The following MAML3 variants were observed in gnomAD, a reference collection of about 807,000 sequenced individuals.
MAML3 encodes mastermind like transcriptional coactivator 3.
In MAML3, 27 loss-of-function variants were observed where a neutral mutation model predicts 101.9. The ratio of observed to expected loss-of-function variants is 0.27; its 90% CI spans 0.20 to 0.37. MAML3 has a LOEUF of 0.37. Among genes scored for constraint, MAML3 ranks in the 10% least tolerant of loss-of-function variants. MAML3 has a pLI of 1.00. For synonymous variants in MAML3, 501 were observed against 555.9 expected, an observed-to-expected ratio of 0.90 and a Z score of 1.39; for missense variants, 1,316 against 1,444.9, an observed-to-expected ratio of 0.91 and a Z score of 1.45.
At chr4:140,124,760 T>C (rs1474357804) in intron 1 of MAML3, among the ~76,000 whole-genome samples, 3 of 152,218 alleles carry the variant, frequency 2.0e-5, no homozygotes, top group Non-Finnish European at 4.4e-5. Flanking sequence ...GGTAAACTGC[T>C]AGAAAACATG....
intron 2 of MAML3, among the ~76,000 whole-genome samples, chr4:139,882,145 A>C (rs2111188578): frequency 6.6e-6 from 1 of 152,334 alleles, no homozygotes. Context: ...AGCATAGAGC[A>C]AAAGGACAAA....
chr4:139,875,601 T>G (rs1285916995), intron 2 of MAML3, among the ~76,000 whole-genome samples: 1 of 152,158 alleles, frequency 6.6e-6, no homozygotes, highest in African/African-American at 2.4e-5. Flanking sequence ...CAGGTGCTCC[T>G]GACCTCACAG....
intron 1 of MAML3, among the ~76,000 whole-genome samples, chr4:140,094,135 A>C (rs143488162): frequency 9.1e-4 from 138 of 152,336 alleles, no homozygotes; most frequent in African/African-American, 3.2e-3. Context: ...ATTTGCAGGC[A>C]AGGTCCATTT....
chr4:139,854,636 T>G (rs1731621828), intron 2 of MAML3, among the ~76,000 whole-genome samples: 1 of 151,958 alleles, frequency 6.6e-6, no homozygotes, highest in Non-Finnish European at 1.5e-5. Context: ...TCAATGCTGG[T>G]TTAGGCCTGG....
intron 1 of MAML3, among the ~76,000 whole-genome samples, chr4:139,991,393 A>G (rs904447547): frequency 2.6e-5 from 4 of 152,212 alleles, no homozygotes; most frequent in African/African-American, 9.7e-5. Context: ...CCTTATACAA[A>G]AATTAATTCA....
At chr4:139,864,923 C>CTTGTTTTTTTTTTTTTT (rs56928318) in intron 2 of MAML3, among the ~76,000 whole-genome samples, 2 of 62,456 alleles carry the variant, frequency 3.2e-5, no homozygotes, top group Admixed American at 2.4e-4. Context: ...TGCAAACTTG[C>CTTGTTTTTTTTTTTTTT]TTTTTTTTTT....
intron 1 of MAML3, among the ~76,000 whole-genome samples, chr4:139,905,811 A>G (rs1379142160): frequency 2.0e-5 from 3 of 152,088 alleles, no homozygotes; most frequent in Admixed American, 6.6e-5. Context: ...TCTTATATAG[A>G]TAATAGTCAT....
chr4:139,897,558 T>C (rs1732637571), intron 1 of MAML3, among the ~76,000 whole-genome samples: 1 of 152,172 alleles, frequency 6.6e-6, no homozygotes, highest in Admixed American at 6.5e-5. Flanking sequence ...ATCCATTCTA[T>C]GAATTTTAGT....
chr4:139,729,624 C>T (rs1216328816), intron 3 of MAML3, among the ~76,000 whole-genome samples: 1 of 152,130 alleles, frequency 6.6e-6, no homozygotes, highest in East Asian at 1.9e-4. Context: ...ACAGAAGCCG[C>T]CTGGGGATCT....
At chr4:139,880,210 C>A (rs1391499900) in intron 2 of MAML3, among the ~76,000 whole-genome samples, 1 of 151,938 alleles carries the variant, frequency 6.6e-6, no homozygotes, top group Non-Finnish European at 1.5e-5. Flanking sequence ...AAACCTCTTT[C>A]TTCTAGAAAG....
At chr4:140,107,546 C>G (rs984556784) in intron 1 of MAML3, among the ~76,000 whole-genome samples, 2 of 151,134 alleles carry the variant, frequency 1.3e-5, no homozygotes, top group African/African-American at 4.9e-5. Flanking sequence ...GCTCTGTCAC[C>G]CAGGCTGGAA....
At chr4:139,976,880 CT>C (rs1480064398) in intron 1 of MAML3, among the ~76,000 whole-genome samples, 2 of 152,004 alleles carry the variant, frequency 1.3e-5, no homozygotes, top group African/African-American at 4.8e-5. Flanking sequence ...GTTTTCACGA[CT>C]GTGGGGAGAA....
chr4:139,875,415 T>C (rs1478145563), intron 2 of MAML3, among the ~76,000 whole-genome samples: 1 of 152,216 alleles, frequency 6.6e-6, no homozygotes, highest in Non-Finnish European at 1.5e-5. Flanking sequence ...TTTCTCTCAC[T>C]AGACCGCCAA....
At position 139,808,374 on chromosome 4, in the gene MAML3, C is replaced by CCG. The variant is rs1279352170; in HGVS notation, c.2080-77709_2080-77708dup. 7.9e-5 allele frequency among the ~76,000 whole-genome samples: 12 copies of CCG among 152,244 alleles called. No individual in the cohort carries two copies. The South Asian group carries it at 2.5e-3, about 32-fold the overall frequency. On this transcript the variant is annotated intron_variant, in intron 2 of 4. Transcript: ENST00000509479. ...GTGTATATCACCGGCCTGTGGCCAA[C>CCG]CGCTGCAGGCACCATACCACTTCTA...
Position 139,856,956 on chromosome 4 carries a change from A to G in MAML3, c.2079+32401T>C, listed in dbSNP as rs143996543. ...GTTCTGAATTTTAATTGTAGGAGTAAAAAAATGAAGGAAATCCAAGAAAGA... is the reference window on the plus strand; with the variant it reads ...GTTCTGAATTTTAATTGTAGGAGTAGAAAAATGAAGGAAATCCAAGAAAGA... On this transcript the variant is annotated intron_variant, in intron 2 of 4. Transcript: ENST00000509479. 4.3e-4 allele frequency among the ~76,000 whole-genome samples: 65 copies of G among 152,296 alleles called. 1 individual carries two copies. In the East Asian group the frequency reaches 0.011, roughly 27 times the overall value.
At chr4:139,900,970 C>A (rs1578588159) in intron 1 of MAML3, among the ~76,000 whole-genome samples, 1 of 152,180 alleles carries the variant, frequency 6.6e-6, no homozygotes, top group African/African-American at 2.4e-5. Flanking sequence ...CACAGCACAG[C>A]CCTACTCAGT....
intron 1 of MAML3, among the ~76,000 whole-genome samples, chr4:140,053,998 C>T (rs1176465573): frequency 1.3e-5 from 2 of 152,136 alleles, no homozygotes; most frequent in Non-Finnish European, 2.9e-5. Flanking sequence ...GAACAAAAGA[C>T]AAGGTTTTTT....
In MAML3 at chr4:139,931,531, C is replaced by T. The variant is rs189194399; in HGVS notation, c.469-40564G>A. On this transcript the variant is annotated intron_variant, in intron 1 of 4. Transcript: ENST00000509479. Reference sequence around the variant, plus strand: ...TAATACGATGTCTGATGTTCTGGATCGTATCCTCTAATTTTTTCTACTATA... The same window carrying T: ...TAATACGATGTCTGATGTTCTGGATTGTATCCTCTAATTTTTTCTACTATA... 2.4e-3 allele frequency among the ~76,000 whole-genome samples: 366 copies of T among 152,188 alleles called. 3 individuals carry two copies. Among genetic ancestry groups the T allele is most frequent in the African/African-American group, 8.2e-3 (339 of 41,500 alleles).
chr4:139,878,674 G>T (rs1380143381), intron 2 of MAML3, among the ~76,000 whole-genome samples: 1 of 152,136 alleles, frequency 6.6e-6, no homozygotes, highest in East Asian at 1.9e-4. Context: ...GAATGAAGTT[G>T]GGCATCCGGC....
Sources: allele counts gnomAD v4.1 joint callset (sites outside exome capture counted in the v4.1 genomes callset), GRCh38; gene constraint gnomAD v4.1.1; transcripts MANE v1.5; gene names NCBI Gene and HGNC (gene_info 2026-07-23, HGNC 2026-07-21).